The following SMCHD1 variants were observed in gnomAD, a reference collection of about 807,000 sequenced individuals.
SMCHD1 encodes the protein structural maintenance of chromosomes flexible hinge domain containing 1, also known as structural maintenance of chromosomes flexible hinge domain-containing protein 1.
A neutral mutation model predicts 254.7 loss-of-function variants in SMCHD1; 78 were observed. The observed-to-expected ratio is 0.31, with a 90% confidence interval of 0.26 to 0.37. The LOEUF (loss-of-function observed/expected upper bound fraction) is 0.37, where lower values mean the gene tolerates loss of function less well. Among genes scored for constraint, SMCHD1 ranks in the 10% least tolerant of loss-of-function variants. The probability of loss-of-function intolerance (pLI) is 1.00; values close to 1 mark genes in which losing one functional copy is unlikely to be tolerated. For synonymous variants in SMCHD1, 766 were observed against 794.9 expected (o/e 0.96, Z 0.61); for missense variants, 1,840 against 2,408.1 (o/e 0.76, Z 4.94).
chr18:2,743,673 C>A, intron 28 of SMCHD1, 88 bp from the exon 29 acceptor site: 1 of 916,914 alleles, frequency 1.1e-6, no homozygotes, highest in Non-Finnish European at 1.6e-6. Flanking sequence ...ATCTGTACGC[C>A]CATGGGTTAA....
In SMCHD1 at chr18:2,698,038, T is replaced by A. The variant is rs1325548788; in HGVS notation, c.1339T>A (p.Ser447Thr). Residue 447 changes from serine to threonine, a missense_variant, in exon 10 of 48, where the codon TCA (serine) becomes ACA (threonine). Ser to Thr is a moderately conservative substitution (Grantham distance 58). Transcript: ENST00000320876. ...TTACCCTGATGATCCATGCTTTCCATCAAGTATGTTAATCTGTTATCTTAG... is the reference window on the plus strand; with the variant it reads ...TTACCCTGATGATCCATGCTTTCCAACAAGTATGTTAATCTGTTATCTTAG... ...ETYPDDPCFP[S>T]KLKDEDDEDD... 1.2e-6 allele frequency: 2 copies of A among 1,602,782 alleles called. No homozygotes were observed. The highest frequency in any genetic ancestry group is 4.5e-5 in the East Asian group (2 of 44,764).
chr18:2,787,064 ACTT>A (rs1360633219), intron 45 of SMCHD1, among the ~76,000 whole-genome samples: 4 of 152,162 alleles, frequency 2.6e-5, no homozygotes, highest in Admixed American at 2.6e-4. Flanking sequence ...TTTGGCATAC[ACTT>A]CTTCTGGCTG....
At chr18:2,770,744 C>T (rs1411299057) in intron 39 of SMCHD1, among the ~76,000 whole-genome samples, 2 of 152,146 alleles carry the variant, frequency 1.3e-5, no homozygotes, top group Admixed American at 1.3e-4. Flanking sequence ...CCTCAGCCTC[C>T]CAAGTAGCTA....
At chr18:2,738,636 T>C (rs2075294598) in intron 26 of SMCHD1, 91 bp downstream of exon 26, 1 of 1,095,882 alleles carries the variant, frequency 9.1e-7, no homozygotes, top group Non-Finnish European at 1.2e-6. Flanking sequence ...TGTAAAAATA[T>C]TACGGTTTCT....
intron 37 of SMCHD1, among the ~76,000 whole-genome samples, chr18:2,767,724 G>A (rs2075894966): frequency 6.6e-6 from 1 of 151,226 alleles, no homozygotes. Context: ...CGAGTAGCTG[G>A]GACTACAGGC....
intron 25 of SMCHD1, among the ~76,000 whole-genome samples, chr18:2,736,378 G>A (rs1875910923): frequency 6.6e-6 from 1 of 152,116 alleles, no homozygotes; most frequent in Admixed American, 6.6e-5. Flanking sequence ...GTCCCCAAAA[G>A]CAGTTACAAC....
At chr18:2,738,024 C>T (rs1165434658) in intron 25 of SMCHD1, among the ~76,000 whole-genome samples, 1 of 152,120 alleles carries the variant, frequency 6.6e-6, no homozygotes, top group Non-Finnish European at 1.5e-5. Flanking sequence ...TCATTGAAAG[C>T]TTTCCCATAA....
chr18:2,726,431 T>C, intron 21 of SMCHD1, 21 bp from the exon 22 acceptor site: 1 of 1,390,736 alleles, frequency 7.2e-7, no homozygotes, highest in South Asian at 1.4e-5. Flanking sequence ...GGGTTTAATT[T>C]TTACTGTTTT....
intron 7 of SMCHD1, among the ~76,000 whole-genome samples, chr18:2,690,291 T>C (rs2074146318): frequency 6.6e-6 from 1 of 152,246 alleles, no homozygotes; most frequent in Non-Finnish European, 1.5e-5. Flanking sequence ...TTAGTAGCTT[T>C]ATAACATTTC....
rs966822340 is a variant in SMCHD1 at position 2,700,485 on chromosome 18, T to A, written c.1343-54T>A. 3.6e-5 allele frequency: 55 copies of A among 1,525,154 alleles called. No homozygotes were observed. The Admixed American group carries it at 1.1e-3, about 31-fold the overall frequency. 94.5% of individuals were successfully genotyped at this position (1,525,154 alleles called of 1,614,324 possible). A position where few individuals can be genotyped will look rare whatever the true frequency, so the allele number is the denominator to read the frequency against. ...TGAAACATTTATGTGTTTGTTTCAT[T>A]ATTTCTCACATTTTAGCAATAAACA... On this transcript the variant is annotated intron_variant, in intron 10 of 47. Coordinates refer to ENST00000320876, the MANE Select transcript of SMCHD1 (RefSeq NM_015295.3).
At chr18:2,707,666 A>G (rs2143256094) in intron 16 of SMCHD1, 21 bp downstream of exon 16, 3 of 1,537,946 alleles carry the variant, frequency 2.0e-6, no homozygotes, top group Non-Finnish European at 1.8e-6. Flanking sequence ...TTATTTTTCT[A>G]ATACCAAAAA....
At chr18:2,704,372 A>G (rs189776244) in intron 13 of SMCHD1, among the ~76,000 whole-genome samples, 1 of 152,224 alleles carries the variant, frequency 6.6e-6, no homozygotes. Context: ...GCGTTAAGTA[A>G]TGATTTTTAA....
At chr18:2,763,843 C>T (rs2075825627) in intron 37 of SMCHD1, 54 bp downstream of exon 37, 3 of 1,519,664 alleles carry the variant, frequency 2.0e-6, no homozygotes, top group Admixed American at 1.9e-5. Context: ...ATGCTTTTAA[C>T]CACCATATTA....
rs115632137 is a variant in SMCHD1 at position 2,740,800 on chromosome 18, A to T, written c.3612A>T (p.Ser1204=). Residue 1204 remains serine, a synonymous_variant, in exon 28 of 48, where the codon TCA becomes TCT. Transcript: ENST00000320876. ...TTGCTGGGGTTGGACTTGATAGCTCAAATTTGAAAACAACCTTTCAGGTAT... is the reference window on the plus strand; with the variant it reads ...TTGCTGGGGTTGGACTTGATAGCTCTAATTTGAAAACAACCTTTCAGGTAT... ...LSIAGVGLDS[S]NLKTTFQENT... The T allele has an allele frequency of 5.9e-3, 9,405 of 1,605,366 alleles. 471 individuals carry two copies. In the African/African-American group the frequency reaches 0.11, roughly 19 times the overall value.
At chr18:2,742,416 C>G (rs552657362) in intron 28 of SMCHD1, among the ~76,000 whole-genome samples, 1 of 152,208 alleles carries the variant, frequency 6.6e-6, no homozygotes, top group South Asian at 2.1e-4. Flanking sequence ...AGAAATCACC[C>G]CTTCAGAAGG....
intron 5 of SMCHD1, among the ~76,000 whole-genome samples, chr18:2,678,912 A>G (rs572281162): frequency 6.7e-5 from 10 of 149,594 alleles, no homozygotes; most frequent in South Asian, 2.1e-4. Context: ...GTGTAGTGCA[A>G]TCTCAGCTCG....
At position 2,771,454 on chromosome 18, in the gene SMCHD1, G is replaced by A. The variant is rs1275866973; in HGVS notation, c.4967-79G>A. The A allele has an allele frequency of 4.7e-6, 5 of 1,063,228 alleles. No homozygotes were observed. In the East Asian group the frequency reaches 1.1e-4, roughly 23 times the overall value. The allele number at this position is 1,063,228 out of a possible 1,614,324, so 65.9% of individuals were successfully genotyped here. On this transcript the variant is annotated intron_variant, in intron 39 of 47. Transcript: ENST00000320876. The stretch of plus-strand genomic sequence containing the variant: ...CAGACATTAAAAGGAAAAAACAAAA[G>A]GAACTTTAAAATATTTTTCAAAAAC...
At chr18:2,691,458 G>A (rs2074178016) in intron 7 of SMCHD1, among the ~76,000 whole-genome samples, 1 of 152,200 alleles carries the variant, frequency 6.6e-6, no homozygotes, top group Non-Finnish European at 1.5e-5. Context: ...TTTTCAGAAT[G>A]TGGGTGGAAT....
intron 45 of SMCHD1, 55 bp downstream of exon 45, chr18:2,784,676 T>G (rs759141041): frequency 5.6e-6 from 8 of 1,439,546 alleles, no homozygotes; most frequent in Non-Finnish European, 7.4e-6. Flanking sequence ...ACTCTTATTT[T>G]TCTAAGAGCT....
Sources: gnomAD v4.1 joint callset for allele counts (sites outside exome capture counted in the v4.1 genomes callset) on GRCh38, gnomAD v4.1.1 for gene constraint, MANE v1.5 for transcripts, NCBI Gene and HGNC (gene_info 2026-07-23, HGNC 2026-07-21) for gene names.